L2HGDH: variants seen among roughly 807,000 people sequenced by gnomAD.
The protein encoded by L2HGDH is L-2-hydroxyglutarate dehydrogenase.
A neutral mutation model predicts 51.5 loss-of-function variants in L2HGDH; 34 were observed. The observed-to-expected ratio is 0.66, with a 90% confidence interval of 0.50 to 0.88. L2HGDH has a LOEUF of 0.88. Among genes scored for constraint, L2HGDH ranks in the 40% least tolerant of loss-of-function variants. The pLI is 0.00. For synonymous variants in L2HGDH, 198 were observed against 197.9 expected, an observed-to-expected ratio of 1.00 and a Z score of -0.01; for missense variants, 558 against 571.9, an observed-to-expected ratio of 0.98 and a Z score of 0.25.
intron 3 of L2HGDH, among the ~76,000 whole-genome samples, chr14:50,299,252 C>A (rs1466952175): frequency 6.6e-6 from 1 of 152,118 alleles, no homozygotes; most frequent in Non-Finnish European, 1.5e-5. Flanking sequence ...TGGACACATA[C>A]AACCTACCAA....
At chr14:50,266,622 C>CA (rs1402937227) in intron 8 of L2HGDH, among the ~76,000 whole-genome samples, 1 of 151,982 alleles carries the variant, frequency 6.6e-6, no homozygotes, top group East Asian at 1.9e-4. Context: ...AATTACAAAA[C>CA]AAAAAACCAA....
chr14:50,303,114 A>C, intron 1 of L2HGDH, 97 bp from the exon 2 acceptor site: 1 of 803,718 alleles, frequency 1.2e-6, no homozygotes, highest in Non-Finnish European at 2.2e-6. Flanking sequence ...TTAAACCATT[A>C]ATTTGTAATC....
At chr14:50,259,008 C>T (rs1888836176) in intron 9 of L2HGDH, among the ~76,000 whole-genome samples, 1 of 143,576 alleles carries the variant, frequency 7.0e-6, no homozygotes, top group Non-Finnish European at 1.5e-5. Flanking sequence ...CCACGCCAGG[C>T]TCTTTTTTTT....
chr14:50,269,409 AG>A, intron 6 of L2HGDH, 79 bp from the exon 7 acceptor site: 1 of 1,360,990 alleles, frequency 7.3e-7, no homozygotes, highest in Non-Finnish European at 1.0e-6. Context: ...GTGATAGAAA[AG>A]AAAAAAAGGT....
In L2HGDH at chr14:50,312,142, T is replaced by G. The variant is rs751358167; in HGVS notation, c.9A>C (p.Pro3=). Residue 3 remains proline, a synonymous_variant, in exon 1 of 10, where the codon CCA becomes CCC. Transcript: ENST00000267436. The part of the protein sequence containing the change: MV[P]ALRYLVGACG... ...AGGCACCAACCAAATAACGCAGCGCTGGCACCATCCCCTACGCACGCTCCC... is the reference window on the plus strand; with the variant it reads ...AGGCACCAACCAAATAACGCAGCGCGGGCACCATCCCCTACGCACGCTCCC... 1.2e-6 allele frequency: 2 copies of G among 1,610,432 alleles called. No individual in the cohort carries two copies. The highest frequency in any genetic ancestry group is 1.1e-5 in the South Asian group (1 of 90,820).
At position 50,311,999 on chromosome 14, in the gene L2HGDH, G is replaced by T; in HGVS notation, c.140+12C>A. The T allele has an allele frequency of 6.4e-7, 1 of 1,556,128 alleles. No homozygotes were observed. On this transcript the variant is annotated intron_variant, in intron 1 of 9. Coordinates refer to ENST00000267436, the MANE Select transcript of L2HGDH (RefSeq NM_024884.3). Reference sequence around the variant, plus strand: ...GCAGCGCAGGCGGCGGGGAGGACCAGCGGCCACTCACCTGGTGCTGGCGCT... The same window carrying T: ...GCAGCGCAGGCGGCGGGGAGGACCATCGGCCACTCACCTGGTGCTGGCGCT...
At chr14:50,259,366 G>GGTT (rs759718499) in intron 9 of L2HGDH, among the ~76,000 whole-genome samples, 19,367 of 130,284 alleles carry the variant, frequency 0.15, 2,105 homozygotes, top group Admixed American at 0.29. Context: ...TTCTTTTTCG[G>GGTT]TTTTTTTTTT....
intron 9 of L2HGDH, among the ~76,000 whole-genome samples, chr14:50,261,851 T>G (rs1339997017): frequency 6.6e-6 from 1 of 151,320 alleles, no homozygotes; most frequent in Non-Finnish European, 1.5e-5. Context: ...TGCAAATATT[T>G]AACAGATTGT....
At position 50,282,252 on chromosome 14, in the gene L2HGDH, C is replaced by T. The variant is rs1419688534; in HGVS notation, c.703+1619G>A. 2.0e-5 allele frequency among the ~76,000 whole-genome samples: 3 copies of T among 152,140 alleles called. No homozygotes were observed. In the East Asian group the frequency reaches 5.8e-4, roughly 29 times the overall value. ...CAGTGCACCGGATAGCCCCCTACGA[C>T]AAAGAACGATCTGGCCCCAATATCA... On this transcript the variant is annotated intron_variant, in intron 5 of 9. Transcript: ENST00000267436.
chr14:50,253,041 A>G (rs934799529), intron 9 of L2HGDH, among the ~76,000 whole-genome samples: 1 of 152,162 alleles, frequency 6.6e-6, no homozygotes, highest in African/African-American at 2.4e-5. Flanking sequence ...AGATCACAAA[A>G]CAAGTCTTAA....
intron 7 of L2HGDH, 26 bp downstream of exon 7, chr14:50,269,137 G>C (rs758709548): frequency 6.5e-7 from 1 of 1,534,222 alleles, no homozygotes; most frequent in Non-Finnish European, 9.0e-7. Flanking sequence ...TGAAAAAAAT[G>C]AGAAGTAGGA....
rs2030433459 is a variant in L2HGDH, at chr14:50,301,954, T to C, written c.408+63A>G. 5 of 1,518,062 alleles carry C rather than the reference T, an allele frequency of 3.3e-6. No individual in the cohort carries two copies. In the East Asian group the frequency reaches 1.1e-4, roughly 34 times the overall value. The allele number at this position is 1,518,062 out of a possible 1,614,324, so 94.0% of individuals were successfully genotyped here. On this transcript the variant is annotated intron_variant, in intron 3 of 9. Transcript: ENST00000267436. ...AAAAATACATTTTTAAAAAATGTAA[T>C]ATTAAACATCACTAAGCAAATGCTA... is the stretch of plus-strand genomic sequence containing the variant.
chr14:50,283,772 C>A, intron 5 of L2HGDH, 99 bp downstream of exon 5: 1 of 956,200 alleles, frequency 1.0e-6, no homozygotes, highest in Non-Finnish European at 1.6e-6. Context: ...GTTTTTTTTC[C>A]CAAATATTTT....
At chr14:50,255,544 A>AG (rs1252296965) in intron 9 of L2HGDH, among the ~76,000 whole-genome samples, 2 of 150,792 alleles carry the variant, frequency 1.3e-5, no homozygotes, top group Non-Finnish European at 3.0e-5. Flanking sequence ...CTCCAAAAAA[A>AG]AAAAAAAAAG....
At chr14:50,286,428 T>C (rs1382315767) in intron 4 of L2HGDH, among the ~76,000 whole-genome samples, 1 of 152,110 alleles carries the variant, frequency 6.6e-6, no homozygotes, top group Admixed American at 6.5e-5. Flanking sequence ...CAAGGGCCTC[T>C]CCCCGATGAT....
At chr14:50,251,998 A>G (rs2139934602) in intron 9 of L2HGDH, among the ~76,000 whole-genome samples, 1 of 152,234 alleles carries the variant, frequency 6.6e-6, no homozygotes, top group Non-Finnish European at 1.5e-5. Flanking sequence ...TGTGGTGTAT[A>G]AACTTCTCAT....
At chr14:50,310,710 T>A (rs528563646) in intron 1 of L2HGDH, among the ~76,000 whole-genome samples, 1 of 151,738 alleles carries the variant, frequency 6.6e-6, no homozygotes, top group African/African-American at 2.4e-5. Flanking sequence ...ACTCCAAAAA[T>A]TTTTTAAAAA....
chr14:50,278,894 C>T (rs938083334), intron 5 of L2HGDH, among the ~76,000 whole-genome samples: 5 of 152,200 alleles, frequency 3.3e-5, no homozygotes, highest in Non-Finnish European at 7.4e-5. Flanking sequence ...TATTTTCCCA[C>T]AGACTAAAGC....
At chr14:50,248,925 G>A (rs766751711) in intron 9 of L2HGDH, among the ~76,000 whole-genome samples, 5 of 152,168 alleles carry the variant, frequency 3.3e-5, no homozygotes, top group South Asian at 2.1e-4. Flanking sequence ...GTCTTGCATC[G>A]CCAATGCCAC....
Sources: gnomAD v4.1 joint callset for allele counts (sites outside exome capture counted in the v4.1 genomes callset) on GRCh38, gnomAD v4.1.1 for gene constraint, MANE v1.5 for transcripts, NCBI Gene and HGNC (gene_info 2026-07-23, HGNC 2026-07-21) for gene names.